Variants in HMGCLL1 observed in about 807,000 individuals in gnomAD.
HMGCLL1 encodes the protein 3-hydroxy-3-methylglutaryl-CoA lyase like 1.
Under a neutral mutation model 39.1 loss-of-function variants are expected in HMGCLL1, and 36 were observed. The observed-to-expected ratio is 0.92, with a 90% CI of 0.71 to 1.22. HMGCLL1 has a LOEUF of 1.22. Ranked by LOEUF, HMGCLL1 falls within the 50% of genes most tolerant of loss-of-function variation. The pLI is 0.00. For synonymous variants in HMGCLL1, 149 were observed against 144.0 expected, an observed-to-expected ratio of 1.03 and a Z score of -0.25; for missense variants, 451 against 416.5, an observed-to-expected ratio of 1.08 and a Z score of -0.72.
At chr6:55,533,041 T>A (rs1768780274) in intron 3 of HMGCLL1, among the ~76,000 whole-genome samples, 1 of 151,258 alleles carries the variant, frequency 6.6e-6, no homozygotes, top group Admixed American at 6.6e-5. Flanking sequence ...TAATCCCTAC[T>A]TAAAAACACA....
At chr6:55,477,311 T>TAATATATATTATATTTAG (rs1561904875) in intron 7 of HMGCLL1, among the ~76,000 whole-genome samples, 4 of 17,934 alleles carry the variant, frequency 2.2e-4, no homozygotes, top group African/African-American at 4.0e-4. Context: ...ATATTATATA[T>TAATATATATTATATTTAG]ATAATATATA....
chr6:55,483,097 G>T (rs894735023), intron 7 of HMGCLL1, among the ~76,000 whole-genome samples: 10 of 151,994 alleles, frequency 6.6e-5, no homozygotes, highest in Non-Finnish European at 2.9e-5. Flanking sequence ...ATAATAACCT[G>T]AATAAATTGA....
At chr6:55,502,075 T>G (rs781066849) in intron 5 of HMGCLL1, among the ~76,000 whole-genome samples, 1 of 151,906 alleles carries the variant, frequency 6.6e-6, no homozygotes, top group Non-Finnish European at 1.5e-5. Flanking sequence ...ACATAGTAGT[T>G]CTTTCAGCAA....
At chr6:55,622,396 A>G in the HMGCLL1 span, among the ~76,000 whole-genome samples, 1 of 152,102 alleles carries the variant, frequency 6.6e-6, no homozygotes, top group Admixed American at 6.6e-5. Context: ...ATATTATACT[A>G]GCTGTCAGTC....
intron 7 of HMGCLL1, among the ~76,000 whole-genome samples, chr6:55,486,931 T>TACC (rs1313867969): frequency 2.6e-5 from 4 of 152,130 alleles, no homozygotes; most frequent in African/African-American, 9.7e-5. Context: ...TCTTTCCTCC[T>TACC]ACCATGTCTT....
chr6:55,565,026 G>C (rs1316536006), intron 1 of HMGCLL1, among the ~76,000 whole-genome samples: 2 of 151,956 alleles, frequency 1.3e-5, no homozygotes, highest in Non-Finnish European at 2.9e-5. Flanking sequence ...TTTCCTTAAA[G>C]TGATAGCTTA....
the HMGCLL1 span, among the ~76,000 whole-genome samples, chr6:55,674,222 A>G: frequency 6.6e-6 from 1 of 151,892 alleles, no homozygotes; most frequent in Non-Finnish European, 1.5e-5. Flanking sequence ...ATATGGTGTC[A>G]AGTTATATAA....
chr6:55,615,823 A>G, the HMGCLL1 span, among the ~76,000 whole-genome samples: 1 of 152,078 alleles, frequency 6.6e-6, no homozygotes, highest in African/African-American at 2.4e-5. Flanking sequence ...ATTCTTTGGG[A>G]AAGTTAAGCT....
In HMGCLL1 at chr6:55,435,418, C is replaced by CT. The variant is rs1763330030; in HGVS notation, c.*243dup. 1 of 330,414 alleles carries CT rather than the reference C, an allele frequency of 3.0e-6. No individual in the cohort carries two copies. The highest frequency in any genetic ancestry group is 4.3e-5 in the Admixed American group (1 of 23,164). The allele number at this position is 330,414 out of a possible 1,614,324, so 20.5% of individuals were successfully genotyped here. The stretch of plus-strand genomic sequence containing the variant: ...GTTATTTCTATGAGAGCAAAAGAAA[C>CT]TTTTTTCCAAGTTCAAAATTATGAC... On this transcript the variant is annotated 3_prime_UTR_variant, in exon 9 of 9. Coordinates refer to ENST00000274901, the MANE Select transcript of HMGCLL1 (RefSeq NM_001042406.2).
At chr6:55,643,301 GTTA>G in the HMGCLL1 span, among the ~76,000 whole-genome samples, 1 of 151,886 alleles carries the variant, frequency 6.6e-6, no homozygotes, top group East Asian at 1.9e-4. Context: ...TTGTCAACAT[GTTA>G]TTTTTTGACT....
chr6:55,618,062 C>A, the HMGCLL1 span, among the ~76,000 whole-genome samples: 1 of 151,932 alleles, frequency 6.6e-6, no homozygotes, highest in Admixed American at 6.6e-5. Flanking sequence ...AAAATTTAGT[C>A]AAGTGAAATC....
At chr6:55,664,796 C>T in the HMGCLL1 span, among the ~76,000 whole-genome samples, 1 of 151,680 alleles carries the variant, frequency 6.6e-6, no homozygotes, top group South Asian at 2.1e-4. Flanking sequence ...TCCAATCTCA[C>T]TCACACAATT....
the HMGCLL1 span, among the ~76,000 whole-genome samples, chr6:55,605,131 A>G: frequency 1.3e-5 from 2 of 152,214 alleles, no homozygotes; most frequent in Non-Finnish European, 2.9e-5. Flanking sequence ...GGACTGCCTC[A>G]GTGCAGAGAG....
intron 7 of HMGCLL1, among the ~76,000 whole-genome samples, chr6:55,487,964 T>C (rs1766125634): frequency 6.6e-6 from 1 of 152,114 alleles, no homozygotes; most frequent in Non-Finnish European, 1.5e-5. Context: ...TAACCTGAGC[T>C]TACTCTTATA....
chr6:55,437,102 G>A (rs116103834), intron 8 of HMGCLL1, among the ~76,000 whole-genome samples: 2,404 of 152,068 alleles, frequency 0.016, 41 homozygotes, highest in Non-Finnish European at 0.027. Context: ...CAATTATACA[G>A]TAGAATTTGT....
chr6:55,544,714 A>G (rs1396971495), intron 1 of HMGCLL1, among the ~76,000 whole-genome samples: 1 of 152,200 alleles, frequency 6.6e-6, no homozygotes, highest in Non-Finnish European at 1.5e-5. Context: ...AGCTATCAGC[A>G]AAAGAACCCA....
chr6:55,514,415 G>A (rs1433641002), intron 4 of HMGCLL1, among the ~76,000 whole-genome samples: 1 of 152,212 alleles, frequency 6.6e-6, no homozygotes, highest in Non-Finnish European at 1.5e-5. Context: ...ATATTCATAA[G>A]TCTGTGAGGC....
At chr6:55,563,449 G>A (rs750956095) in intron 1 of HMGCLL1, among the ~76,000 whole-genome samples, 2 of 151,996 alleles carry the variant, frequency 1.3e-5, no homozygotes, top group Non-Finnish European at 2.9e-5. Context: ...GAAATTCTAT[G>A]TTTTATTGAT....
At chr6:55,620,954 T>G in the HMGCLL1 span, among the ~76,000 whole-genome samples, 2 of 151,906 alleles carry the variant, frequency 1.3e-5, no homozygotes, top group African/African-American at 4.8e-5. Context: ...TTTATCTCTG[T>G]GTTCCATGTG....
Sources: allele counts gnomAD v4.1 joint callset (sites outside exome capture counted in the v4.1 genomes callset), GRCh38; gene constraint gnomAD v4.1.1; transcripts MANE v1.5; gene names NCBI Gene and HGNC (gene_info 2026-07-23, HGNC 2026-07-21).